EYS: variants seen among roughly 807,000 people sequenced by gnomAD.
The protein encoded by EYS is EGF-like photoreceptor maintenance factor.
A neutral mutation model predicts 282.1 loss-of-function variants in EYS; 250 were observed. That is an observed-to-expected ratio of 0.89 (90% CI 0.80 to 0.98). The LOEUF is 0.98. EYS is among the 50% of genes least tolerant of loss of function. The pLI, the probability that EYS is intolerant of heterozygous loss-of-function variation, is 0.00. For missense variants in EYS, 4,016 were observed against 3,709.0 expected, an observed-to-expected ratio of 1.08 and a Z score of -2.15; for synonymous variants, 1,355 against 1,282.9, an observed-to-expected ratio of 1.06 and a Z score of -1.20.
intron 13 of EYS, among the ~76,000 whole-genome samples, chr6:65,024,777 C>T (rs1772352306): frequency 1.3e-5 from 2 of 152,118 alleles, no homozygotes; most frequent in Admixed American, 1.3e-4. Flanking sequence ...GTTCTAGGAA[C>T]TAACATTTGA....
intron 35 of EYS, among the ~76,000 whole-genome samples, chr6:63,941,016 C>T (rs924378487): frequency 2.6e-5 from 4 of 152,048 alleles, no homozygotes; most frequent in African/African-American, 4.8e-5. Context: ...CATGAACTCA[C>T]CCTTTTTTAT....
intron 40 of EYS, among the ~76,000 whole-genome samples, chr6:63,765,121 G>A (rs945030521): frequency 2.6e-5 from 4 of 151,988 alleles, no homozygotes; most frequent in African/African-American, 9.7e-5. Context: ...AAACAAAACA[G>A]AGGTAGGTAT....
At chr6:65,673,490 T>C (rs1294493862) in intron 1 of EYS, among the ~76,000 whole-genome samples, 1 of 152,062 alleles carries the variant, frequency 6.6e-6, no homozygotes, top group Non-Finnish European at 1.5e-5. Context: ...GACTAAGAAT[T>C]GGGAGGACCC....
chr6:64,864,588 G>A (rs1432078297), intron 19 of EYS, among the ~76,000 whole-genome samples: 1 of 129,040 alleles, frequency 7.7e-6, no homozygotes, highest in Non-Finnish European at 1.7e-5. Flanking sequence ...GATTCACCAT[G>A]TTGGCTACGA....
Position 64,902,210 on chromosome 6 carries a change from T to C in EYS, c.2749A>G (p.Arg917Gly), listed in dbSNP as rs749118344. ...CACAGAGATCCAGAAAACCCAGGTC[T>C]GCAAATACACCTTTTAAACAAAAAA... ...DMVNNFRCIC[R>G]PGFSGSLCEI... The change falls in exon 18 of 43, where the codon AGA (arginine) becomes GGA (glycine). Residue 917 changes from arginine to glycine, a missense_variant. Transcript: ENST00000503581. 1.2e-5 allele frequency: 19 copies of C among 1,550,120 alleles called. No homozygotes were observed. Among genetic ancestry groups the C allele is most frequent in the Non-Finnish European group, 1.7e-5 (19 of 1,145,946 alleles).
intron 15 of EYS, among the ~76,000 whole-genome samples, chr6:64,914,507 G>A (rs1026742929): frequency 6.6e-6 from 1 of 152,038 alleles, no homozygotes; most frequent in Non-Finnish European, 1.5e-5. Flanking sequence ...AAAGAGGAAG[G>A]AAAGAAGGAA....
chr6:64,357,825 T>G (rs1771875908), intron 29 of EYS, among the ~76,000 whole-genome samples: 1 of 151,598 alleles, frequency 6.6e-6, no homozygotes, highest in South Asian at 2.1e-4. Context: ...TGTAAACAGG[T>G]GGCAGGTCAG....
chr6:65,626,332 GTT>G (rs1766690120), intron 2 of EYS, among the ~76,000 whole-genome samples: 1 of 152,102 alleles, frequency 6.6e-6, no homozygotes, highest in Non-Finnish European at 1.5e-5. Context: ...ACTACCTAGA[GTT>G]TGCTTGAATT....
intron 26 of EYS, among the ~76,000 whole-genome samples, chr6:64,479,850 T>G (rs1408185636): frequency 6.6e-6 from 1 of 151,904 alleles, no homozygotes; most frequent in Non-Finnish European, 1.5e-5. Flanking sequence ...TTTCATTTTC[T>G]TATATTGCAC....
At chr6:65,461,876 A>G (rs920815235) in intron 5 of EYS, among the ~76,000 whole-genome samples, 1 of 152,118 alleles carries the variant, frequency 6.6e-6, no homozygotes, top group Admixed American at 6.6e-5. Context: ...CCAAAAAATG[A>G]TTTATCAGTC....
At chr6:64,854,486 A>G (rs62417086) in intron 19 of EYS, among the ~76,000 whole-genome samples, 23,070 of 151,422 alleles carry the variant, frequency 0.15, 1,981 homozygotes, top group East Asian at 0.43. Flanking sequence ...GCAAACTATC[A>G]CAAGGACAAA....
intron 26 of EYS, among the ~76,000 whole-genome samples, chr6:64,546,678 A>G (rs1764882653): frequency 6.6e-6 from 1 of 152,198 alleles, no homozygotes; most frequent in Non-Finnish European, 1.5e-5. Context: ...TTTACAACAA[A>G]AAAACAAACA....
intron 5 of EYS, among the ~76,000 whole-genome samples, chr6:65,434,321 A>AT (rs1442760242): frequency 6.8e-5 from 9 of 131,590 alleles, no homozygotes; most frequent in African/African-American, 2.3e-4. Context: ...AGGTTTGCAT[A>AT]ATTTTTTTTT....
chr6:64,723,087 G>GAA (rs35150180), intron 22 of EYS, among the ~76,000 whole-genome samples: 98,436 of 146,568 alleles, frequency 0.67, 35,215 homozygotes, highest in Non-Finnish European at 0.8. Flanking sequence ...AGGCCCTAAG[G>GAA]AAAAAAAAAA....
chr6:64,598,264 T>C (rs1397582175), intron 24 of EYS, among the ~76,000 whole-genome samples: 2 of 152,062 alleles, frequency 1.3e-5, no homozygotes, highest in Non-Finnish European at 2.9e-5. Flanking sequence ...ATCGAGACCA[T>C]CCTTGCTAAC....
chr6:65,011,494 T>C (rs1215400977), intron 13 of EYS, among the ~76,000 whole-genome samples: 1 of 152,180 alleles, frequency 6.6e-6, no homozygotes, highest in Non-Finnish European at 1.5e-5. Flanking sequence ...TAGCCCATGC[T>C]CTGAAGTTAA....
At chr6:64,721,841 G>A (rs1210964795) in intron 22 of EYS, among the ~76,000 whole-genome samples, 7 of 152,038 alleles carry the variant, frequency 4.6e-5, no homozygotes, top group African/African-American at 7.2e-5. Flanking sequence ...TAGTTCCATC[G>A]CATCTAGGCC....
At chr6:63,834,414 A>G (rs981563171) in intron 36 of EYS, among the ~76,000 whole-genome samples, 11 of 152,182 alleles carry the variant, frequency 7.2e-5, no homozygotes, top group African/African-American at 2.7e-4. Context: ...ACCCTTCTCA[A>G]AAGAAGACAT....
chr6:64,094,772 C>T (rs9353494), intron 31 of EYS, among the ~76,000 whole-genome samples: 53,873 of 151,832 alleles, frequency 0.35, 9,807 homozygotes, highest in East Asian at 0.49. Context: ...GCTCTGATCT[C>T]AGTTATTTCT....
Sources: gnomAD v4.1 joint callset for allele counts (sites outside exome capture counted in the v4.1 genomes callset) on GRCh38, gnomAD v4.1.1 for gene constraint, MANE v1.5 for transcripts, NCBI Gene and HGNC (gene_info 2026-07-23, HGNC 2026-07-21) for gene names.